KCMF1: variants seen among roughly 807,000 people sequenced by gnomAD.
The protein encoded by KCMF1 is E3 ubiquitin-protein ligase KCMF1.
KCMF1 carries 3 observed loss-of-function variants against 41.1 expected under a neutral mutation model. The ratio of observed to expected loss-of-function variants is 0.07; its 90% CI spans 0.03 to 0.19. The LOEUF (loss-of-function observed/expected upper bound fraction) is 0.19, where lower values mean the gene tolerates loss of function less well. Among genes scored for constraint, KCMF1 ranks in the 10% least tolerant of loss-of-function variants. The pLI, the probability that KCMF1 is intolerant of heterozygous loss-of-function variation, is 1.00. For missense variants in KCMF1, 286 were observed against 488.9 expected (o/e 0.58, Z 3.91); for synonymous variants, 142 against 164.5 (o/e 0.86, Z 1.04).
At chr2:85,040,544 G>T (rs777655926) in intron 3 of KCMF1, among the ~76,000 whole-genome samples, 5 of 152,018 alleles carry the variant, frequency 3.3e-5, no homozygotes, top group Non-Finnish European at 5.9e-5. Context: ...TTTCCTCTCA[G>T]AAAACACAGT....
rs1210260097 is a variant in KCMF1, at chr2:85,033,026, AATG to A, written c.185-1986_185-1984del. Among the ~76,000 whole-genome samples, 7 of 152,280 alleles carry A rather than the reference AATG, an allele frequency of 4.6e-5. No homozygotes were observed. In the East Asian group the frequency reaches 1.4e-3, roughly 29 times the overall value. On this transcript the variant is annotated intron_variant, in intron 2 of 6. Coordinates refer to ENST00000409785, the MANE Select transcript of KCMF1 (RefSeq NM_020122.5). ...GAAAGCATCCAGTCTTTCACCAGTA[AATG>A]ATGTTTGCTCAGTTTTTGGTAGATG... is the stretch of plus-strand genomic sequence containing the variant.
chr2:85,023,407 C>T (rs544006594), intron 1 of KCMF1, among the ~76,000 whole-genome samples: 1 of 151,512 alleles, frequency 6.6e-6, no homozygotes, highest in South Asian at 2.1e-4. Context: ...CAAGCTCCGC[C>T]TCCTGGGTTC....
chr2:85,019,886 C>T (rs1175376986), intron 1 of KCMF1, among the ~76,000 whole-genome samples: 5 of 151,298 alleles, frequency 3.3e-5, no homozygotes, highest in Non-Finnish European at 5.9e-5. Context: ...AAAGGCCTTT[C>T]GGTGTTTGAG....
At chr2:85,013,485 A>G (rs1232802284) in intron 1 of KCMF1, among the ~76,000 whole-genome samples, 1 of 152,000 alleles carries the variant, frequency 6.6e-6, no homozygotes, top group Non-Finnish European at 1.5e-5. Flanking sequence ...CTTTCCCTCA[A>G]ACAGTTGCAG....
intron 1 of KCMF1, among the ~76,000 whole-genome samples, chr2:85,024,114 C>T (rs1675023717): frequency 6.6e-6 from 1 of 152,300 alleles, no homozygotes; most frequent in East Asian, 1.9e-4. Context: ...AAACTTTTGT[C>T]TGTCATGTAT....
At chr2:85,025,754 A>G (rs1675087154) in intron 1 of KCMF1, among the ~76,000 whole-genome samples, 1 of 151,738 alleles carries the variant, frequency 6.6e-6, no homozygotes, top group South Asian at 2.1e-4. Context: ...GATTACAGGC[A>G]CACACCACCA....
chr2:85,025,391 AC>A (rs1558579823), intron 1 of KCMF1, among the ~76,000 whole-genome samples: 1 of 152,070 alleles, frequency 6.6e-6, no homozygotes, highest in Non-Finnish European at 1.5e-5. Context: ...ATTTATTTTA[AC>A]CCCTTTTAGG....
chr2:84,999,402 C>T (rs555853300), intron 1 of KCMF1, among the ~76,000 whole-genome samples: 3 of 152,200 alleles, frequency 2.0e-5, no homozygotes, highest in Admixed American at 1.3e-4. Context: ...CTGCCTGCCT[C>T]GGCCTCTCAA....
At position 84,971,240 on chromosome 2, in the gene KCMF1, C is replaced by G. The variant is rs1479547711; in HGVS notation, c.-212C>G. The G allele has an allele frequency of 6.7e-6, 1 of 148,994 alleles. No homozygotes were observed. The highest frequency in any genetic ancestry group is 1.5e-5 in the Non-Finnish European group (1 of 67,674). 9.2% of individuals were successfully genotyped at this position (148,994 alleles called of 1,614,324 possible). A position where few individuals can be genotyped will look rare whatever the true frequency, so the allele number is the denominator to read the frequency against. On this transcript the variant is annotated 5_prime_UTR_variant, in exon 1 of 7. Coordinates refer to ENST00000409785, the MANE Select transcript of KCMF1 (RefSeq NM_020122.5). ...CCCGCCTCCTGGAGGAGCTCAGCCCCGACCAGGCCCGGCCCCATTCCCGCC... is the reference window on the plus strand; with the variant it reads ...CCCGCCTCCTGGAGGAGCTCAGCCCGGACCAGGCCCGGCCCCATTCCCGCC...
chr2:85,026,382 T>C (rs1471670345), intron 1 of KCMF1, among the ~76,000 whole-genome samples: 1 of 148,374 alleles, frequency 6.7e-6, no homozygotes, highest in Non-Finnish European at 1.5e-5. Flanking sequence ...AGCAGCCCTC[T>C]TGTCTTAGCC....
At position 84,983,227 on chromosome 2, in the gene KCMF1, T is replaced by G. The variant is rs1447364036; in HGVS notation, c.16+11760T>G. On this transcript the variant is annotated intron_variant, in intron 1 of 6. Transcript: ENST00000409785. The stretch of plus-strand genomic sequence containing the variant: ...ACATTTTTAAAAAAGGAGGTGAAAT[T>G]AATAATGAAATAACAACCCACTATA... Among the ~76,000 whole-genome samples, 4 of 152,304 alleles carry G rather than the reference T, an allele frequency of 2.6e-5. No homozygotes were observed. In the East Asian group the frequency reaches 7.7e-4, roughly 29 times the overall value.
At chr2:85,004,368 A>G (rs1266458563) in intron 1 of KCMF1, among the ~76,000 whole-genome samples, 1 of 152,060 alleles carries the variant, frequency 6.6e-6, no homozygotes, top group African/African-American at 2.4e-5. Flanking sequence ...AAAATTAGGC[A>G]GGCATGGTGG....
intron 2 of KCMF1, among the ~76,000 whole-genome samples, chr2:85,033,178 A>G (rs1388549652): frequency 6.6e-6 from 1 of 152,220 alleles, no homozygotes; most frequent in Non-Finnish European, 1.5e-5. Flanking sequence ...TAAAACTTTT[A>G]TGATCATTTA....
intron 1 of KCMF1, among the ~76,000 whole-genome samples, chr2:84,981,210 G>A (rs955619887): frequency 3.4e-5 from 5 of 147,672 alleles, no homozygotes; most frequent in African/African-American, 1.3e-4. Context: ...TTTTTTTTGA[G>A]ACAGAGTCTC....
At chr2:84,998,650 G>GAGTAATCCCAA in intron 1 of KCMF1, among the ~76,000 whole-genome samples, 1 of 151,534 alleles carries the variant, frequency 6.6e-6, no homozygotes, top group African/African-American at 2.4e-5. Context: ...ACCCAGGCTG[G>GAGTAATCCCAA]AGTGCAGTGA....
At chr2:84,996,834 C>T (rs1417276395) in intron 1 of KCMF1, among the ~76,000 whole-genome samples, 4 of 152,026 alleles carry the variant, frequency 2.6e-5, no homozygotes, top group African/African-American at 4.8e-5. Flanking sequence ...GAGAGGGATA[C>T]GTGCTGAGAA....
At chr2:85,043,415 G>C in intron 3 of KCMF1, 149 bp from the exon 4 acceptor site, 1 of 641,952 alleles carries the variant, frequency 1.6e-6, no homozygotes, top group Non-Finnish European at 2.8e-6. Flanking sequence ...TTCTTGCTTA[G>C]GTTTCTACTG....
At chr2:84,980,923 G>C (rs997333680) in intron 1 of KCMF1, among the ~76,000 whole-genome samples, 14 of 152,052 alleles carry the variant, frequency 9.2e-5, no homozygotes, top group African/African-American at 3.4e-4. Context: ...TTATAGGTGT[G>C]AAGCACCACA....
intron 2 of KCMF1, among the ~76,000 whole-genome samples, chr2:85,031,860 C>T (rs1330418286): frequency 6.6e-6 from 1 of 152,112 alleles, no homozygotes; most frequent in Non-Finnish European, 1.5e-5. Context: ...CCATCTCAGC[C>T]TTCCGAGTAG....
Sources: gnomAD v4.1 joint callset for allele counts (sites outside exome capture counted in the v4.1 genomes callset) on GRCh38, gnomAD v4.1.1 for gene constraint, MANE v1.5 for transcripts, NCBI Gene and HGNC (gene_info 2026-07-23, HGNC 2026-07-21) for gene names.